The following NUP42 variants were observed in gnomAD, a reference collection of about 807,000 sequenced individuals.
The protein encoded by NUP42 is nucleoporin 42.
NUP42 carries 47 observed loss-of-function variants against 35.9 expected under a neutral mutation model. The ratio of observed to expected loss-of-function variants is 1.31; its 90% CI spans 1.04 to 1.67. The LOEUF (loss-of-function observed/expected upper bound fraction) is 1.67. Ranked by LOEUF, NUP42 falls within the 40% of genes most tolerant of loss-of-function variation. The pLI is 0.00. For missense variants in NUP42, 514 were observed against 492.2 expected (o/e 1.04, Z -0.42); for synonymous variants, 173 against 173.3 (o/e 1.00, Z 0.01).
In NUP42 at chr7:23,200,326, G is replaced by C; in HGVS notation, c.853G>C (p.Ala285Pro). 1 of 1,607,494 alleles carries C rather than the reference G, an allele frequency of 6.2e-7. No homozygotes were observed. The highest frequency in any genetic ancestry group is 8.5e-7 in the Non-Finnish European group (1 of 1,176,102). ...TACCAGTTCAGGTATCTCTACTTCT[G>C]CTCCAGCTTTTGGATTTGGGAAGCC... ...ASTSSGISTS[A>P]PAFGFGKPEV... Residue 285 changes from alanine to proline, a missense_variant, in exon 7 of 7, where the codon GCT becomes CCT. By Grantham distance (27) the Ala-to-Pro change is conservative. Coordinates refer to ENST00000258742, the MANE Select transcript of NUP42 (RefSeq NM_007342.3).
At chr7:23,199,934 G>A (rs1272731804) in intron 6 of NUP42, among the ~76,000 whole-genome samples, 2 of 152,174 alleles carry the variant, frequency 1.3e-5, no homozygotes, top group Non-Finnish European at 2.9e-5. Flanking sequence ...TTCTCCTTGG[G>A]TGAAGGTCGA....
In NUP42 at chr7:23,185,065, T is replaced by G; in HGVS notation, c.122-5T>G. On this transcript the variant is annotated splice_polypyrimidine_tract_variant and splice_region_variant and intron_variant, in intron 1 of 6. Coordinates refer to ENST00000258742, the MANE Select transcript of NUP42 (RefSeq NM_007342.3). Reference sequence around the variant, plus strand: ...AAAATTATTTTGTTTTATTGTTTATTTTAGGTAATAATAGACGTGGATGGA... The same window carrying G: ...AAAATTATTTTGTTTTATTGTTTATGTTAGGTAATAATAGACGTGGATGGA... 6.3e-7 allele frequency: 1 copy of G among 1,596,430 alleles called. No homozygotes were observed. Among genetic ancestry groups the G allele is most frequent in the Non-Finnish European group, 8.5e-7 (1 of 1,172,334 alleles).
chr7:23,192,789 G>T (rs542062625), intron 3 of NUP42, among the ~76,000 whole-genome samples: 2 of 152,188 alleles, frequency 1.3e-5, no homozygotes, highest in African/African-American at 4.8e-5. Context: ...CCTTTGAACA[G>T]AACTGCAAGG....
intron 3 of NUP42, chr7:23,187,927 A>T: frequency 8.1e-6 from 3 of 368,196 alleles, no homozygotes; most frequent in East Asian, 6.3e-5. Context: ...TTGCTTTAGA[A>T]TATTCTCTGT....
At chr7:23,182,544 C>G (rs1265317803) in intron 1 of NUP42, 2 of 1,035,024 alleles carry the variant, frequency 1.9e-6, no homozygotes, top group Admixed American at 4.8e-5. Context: ...GAGGGTGAGG[C>G]TAGCAGCTTG....
intron 2 of NUP42, 88 bp downstream of exon 2, chr7:23,185,386 C>A (rs1212000255): frequency 1.2e-6 from 1 of 859,700 alleles, no homozygotes; most frequent in Non-Finnish European, 1.8e-6. Context: ...TTTGTAACAT[C>A]TTTTCACAAT....
chr7:23,194,694 T>TTGTTTTTGTTTC (rs1226034014), intron 3 of NUP42: 2 of 181,032 alleles, frequency 1.1e-5, no homozygotes, highest in African/African-American at 5.0e-5. Context: ...GCTTTTGTTT[T>TTGTTTTTGTTTC]TGTTTTTGTT....
intron 5 of NUP42, among the ~76,000 whole-genome samples, chr7:23,198,024 G>GGA (rs1445044320): frequency 6.6e-6 from 1 of 151,818 alleles, no homozygotes; most frequent in Non-Finnish European, 1.5e-5. Context: ...TGAGGCAGGC[G>GGA]GATCACAAGG....
intron 3 of NUP42, among the ~76,000 whole-genome samples, chr7:23,194,087 T>C (rs1637219): frequency 0.087 from 13,256 of 152,130 alleles, 884 homozygotes; most frequent in African/African-American, 0.18. Context: ...TGGGTAGCTC[T>C]GGTTGCCACT....
chr7:23,185,356 A>G (rs949470862), intron 2 of NUP42, 58 bp downstream of exon 2: 2 of 1,144,040 alleles, frequency 1.7e-6, no homozygotes, highest in South Asian at 1.4e-5. Context: ...TTCACCTACA[A>G]TCTTTGTTGT....
intron 3 of NUP42, chr7:23,195,201 A>G (rs1785971505): frequency 6.6e-6 from 1 of 152,244 alleles, no homozygotes; most frequent in Non-Finnish European, 1.5e-5. Context: ...GTACCATTTT[A>G]ATTCCCTTAA....
chr7:23,186,726 A>G (rs1295416510), intron 2 of NUP42, among the ~76,000 whole-genome samples: 2 of 152,196 alleles, frequency 1.3e-5, no homozygotes, highest in East Asian at 1.9e-4. Context: ...TGTAATTACT[A>G]TCATAACCAA....
At chr7:23,188,009 TTTTA>T in intron 3 of NUP42, 1 of 1,069,482 alleles carries the variant, frequency 9.4e-7, no homozygotes, top group Non-Finnish European at 1.3e-6. Context: ...TATTTTTTAT[TTTTA>T]TTTTTTTTTT....
chr7:23,189,660 C>T (rs563234241), intron 3 of NUP42, among the ~76,000 whole-genome samples: 5 of 150,952 alleles, frequency 3.3e-5, no homozygotes, highest in African/African-American at 9.8e-5. Context: ...CACCTGTAAT[C>T]CCAGCACTTT....
chr7:23,182,871 G>C (rs1243579122), intron 1 of NUP42, among the ~76,000 whole-genome samples: 1 of 149,036 alleles, frequency 6.7e-6, no homozygotes, highest in Non-Finnish European at 1.5e-5. Context: ...CCGAGATCGT[G>C]CCACTGCACT....
intron 3 of NUP42, among the ~76,000 whole-genome samples, chr7:23,193,510 G>A (rs1316645562): frequency 2.0e-5 from 3 of 151,888 alleles, no homozygotes; most frequent in African/African-American, 7.3e-5. Context: ...AGTGTTGATT[G>A]GTGTATTTAC....
chr7:23,187,946 CT>C, intron 3 of NUP42: 1 of 420,508 alleles, frequency 2.4e-6, no homozygotes, highest in South Asian at 3.6e-5. Context: ...GTCTCTCTCT[CT>C]CTCTCTGGCC....
chr7:23,197,107 G>C, intron 5 of NUP42: 1 of 682,680 alleles, frequency 1.5e-6, no homozygotes, highest in Non-Finnish European at 2.3e-6. Context: ...TTATATGAAT[G>C]CACATTTAGA....
At position 23,182,185 on chromosome 7, in the gene NUP42, C is replaced by T. The variant is rs1049298185; in HGVS notation, c.100C>T (p.Gln34Ter). Residue 34 changes from glutamine (Q) to a stop codon, truncating the protein, a stop_gained, in exon 1 of 7, where the codon CAA becomes TAA. Coordinates refer to ENST00000258742, the MANE Select transcript of NUP42 (RefSeq NM_007342.3). LOFTEE classifies it high-confidence loss of function. Reference sequence around the variant, plus strand: ...TAGGGGTGCAGGAGGAGGACGGCAGCAACCGCAGCAGCAGCCTTCAGGTGA... The same window carrying T: ...TAGGGGTGCAGGAGGAGGACGGCAGTAACCGCAGCAGCAGCCTTCAGGTGA... ...GARGAGGGRQ[Q>*]PQQQPSGNNR... 2.5e-6 allele frequency: 4 copies of T among 1,612,772 alleles called. No individual in the cohort carries two copies. The highest frequency in any genetic ancestry group is 3.4e-6 in the Non-Finnish European group (4 of 1,179,396).
Sources: allele counts gnomAD v4.1 joint callset (sites outside exome capture counted in the v4.1 genomes callset), GRCh38; gene constraint gnomAD v4.1.1; transcripts MANE v1.5; gene names NCBI Gene and HGNC (gene_info 2026-07-23, HGNC 2026-07-21).